The following ENTREP2 variants were observed in gnomAD, a reference collection of about 807,000 sequenced individuals.
ENTREP2 encodes the protein endosomal transmembrane epsin interactor 2, also known as protein ENTREP2.
chr15:29,661,452 G>A, the ENTREP2 span, among the ~76,000 whole-genome samples: 1 of 152,100 alleles, frequency 6.6e-6, no homozygotes, highest in East Asian at 1.9e-4. Flanking sequence ...GCCCGCCTCG[G>A]CCTCCCAAAG....
the ENTREP2 span, among the ~76,000 whole-genome samples, chr15:29,591,404 C>T: frequency 6.6e-6 from 1 of 152,104 alleles, no homozygotes; most frequent in Admixed American, 6.5e-5. Context: ...TAAGCAGACC[C>T]CATATGTAGG....
At chr15:29,382,972 T>C in the ENTREP2 span, among the ~76,000 whole-genome samples, 1 of 152,096 alleles carries the variant, frequency 6.6e-6, no homozygotes, top group South Asian at 2.1e-4. Context: ...CTCCCTCCCA[T>C]CTGGGCTCCT....
the ENTREP2 span, among the ~76,000 whole-genome samples, chr15:29,164,198 T>A: frequency 6.6e-6 from 1 of 151,942 alleles, no homozygotes; most frequent in Non-Finnish European, 1.5e-5. Flanking sequence ...TGGAAACACA[T>A]CAAAACAGAA....
At chr15:29,463,264 G>A in the ENTREP2 span, among the ~76,000 whole-genome samples, 2 of 152,144 alleles carry the variant, frequency 1.3e-5, no homozygotes, top group African/African-American at 2.4e-5. Context: ...ACTTCCACCT[G>A]TCTCATGAAG....
chr15:29,357,966 T>C, the ENTREP2 span, among the ~76,000 whole-genome samples: 1 of 151,974 alleles, frequency 6.6e-6, no homozygotes, highest in Admixed American at 6.6e-5. Flanking sequence ...AGGCATGCCA[T>C]GAAGAATGCG....
At chr15:29,398,323 G>T in the ENTREP2 span, among the ~76,000 whole-genome samples, 1 of 151,962 alleles carries the variant, frequency 6.6e-6, no homozygotes, top group Non-Finnish European at 1.5e-5. Flanking sequence ...CGTCAGGAAT[G>T]AAAAGATGGT....
the ENTREP2 span, among the ~76,000 whole-genome samples, chr15:29,626,059 G>A: frequency 6.6e-6 from 1 of 152,144 alleles, no homozygotes; most frequent in Non-Finnish European, 1.5e-5. Flanking sequence ...TGTTGGCCAG[G>A]CTGGTCTTGA....
At chr15:29,585,363 GA>G in the ENTREP2 span, among the ~76,000 whole-genome samples, 1 of 152,014 alleles carries the variant, frequency 6.6e-6, no homozygotes, top group Non-Finnish European at 1.5e-5. Context: ...TGAAACCCTC[GA>G]AAAAAAGAAA....
At chr15:29,547,691 A>T in the ENTREP2 span, among the ~76,000 whole-genome samples, 1 of 152,334 alleles carries the variant, frequency 6.6e-6, no homozygotes, top group Non-Finnish European at 1.5e-5. Flanking sequence ...CTGTTCCTCA[A>T]AAAATTAAAA....
chr15:29,379,706 T>A, the ENTREP2 span, among the ~76,000 whole-genome samples: 1 of 152,168 alleles, frequency 6.6e-6, no homozygotes, highest in African/African-American at 2.4e-5. Flanking sequence ...TAACTCCTCG[T>A]CAGCTATAAG....
At chr15:29,367,909 G>C in the ENTREP2 span, among the ~76,000 whole-genome samples, 1 of 149,128 alleles carries the variant, frequency 6.7e-6, no homozygotes, top group African/African-American at 2.5e-5. Context: ...GCTTTCTAGA[G>C]GCACCACATT....
the ENTREP2 span, among the ~76,000 whole-genome samples, chr15:29,462,218 G>A: frequency 1.3e-5 from 2 of 152,038 alleles, no homozygotes; most frequent in Non-Finnish European, 2.9e-5. Context: ...ACATGGCTGT[G>A]CAAATATCTC....
chr15:29,547,265 T>G, the ENTREP2 span, among the ~76,000 whole-genome samples: 1 of 151,472 alleles, frequency 6.6e-6, no homozygotes, highest in African/African-American at 2.4e-5. Context: ...TTTTTTTTTA[T>G]TTTTAGTAGA....
At chr15:29,655,051 A>AC in the ENTREP2 span, among the ~76,000 whole-genome samples, 3 of 152,212 alleles carry the variant, frequency 2.0e-5, no homozygotes, top group Admixed American at 1.3e-4. Flanking sequence ...ATGCTGCTGC[A>AC]CCATCTCAAC....
the ENTREP2 span, among the ~76,000 whole-genome samples, chr15:29,250,143 G>A: frequency 2.0e-5 from 3 of 152,142 alleles, no homozygotes; most frequent in African/African-American, 7.2e-5. Flanking sequence ...GGGAAGCAAG[G>A]CCGAGAAACA....
chr15:29,661,049 T>C, the ENTREP2 span, among the ~76,000 whole-genome samples: 2 of 142,678 alleles, frequency 1.4e-5, no homozygotes, highest in East Asian at 3.9e-4. Context: ...AGTGTGGTTG[T>C]AATTACAGCA....
chr15:29,459,096 G>A, the ENTREP2 span, among the ~76,000 whole-genome samples: 2 of 152,104 alleles, frequency 1.3e-5, no homozygotes, highest in South Asian at 2.1e-4. Flanking sequence ...CTCTTTCTCC[G>A]ACCCATCCAA....
At chr15:29,359,784 TCTTC>T in the ENTREP2 span, among the ~76,000 whole-genome samples, 1 of 152,178 alleles carries the variant, frequency 6.6e-6, no homozygotes, top group African/African-American at 2.4e-5. Context: ...AACCTTTGAG[TCTTC>T]CTTCCCTTAC....
chr15:29,196,293 G>T, the ENTREP2 span: 1 of 880,222 alleles, frequency 1.1e-6, no homozygotes, highest in Non-Finnish European at 1.7e-6. Flanking sequence ...ATGTTCTCTG[G>T]AAAGATATTC....
Sources: allele counts gnomAD v4.1 joint callset (sites outside exome capture counted in the v4.1 genomes callset), GRCh38; gene constraint gnomAD v4.1.1; transcripts MANE v1.5; gene names NCBI Gene and HGNC (gene_info 2026-07-23, HGNC 2026-07-21).